Variants in PPP1R12B observed in about 807,000 individuals in gnomAD.
PPP1R12B encodes myosin phosphatase target subunit 2.
In PPP1R12B, 76 loss-of-function variants were observed where a neutral mutation model predicts 126.1. That is an observed-to-expected ratio of 0.60 (90% CI 0.50 to 0.73). PPP1R12B has a LOEUF of 0.73. PPP1R12B is among the 30% of genes least tolerant of loss of function. PPP1R12B has a pLI of 0.00. For synonymous variants in PPP1R12B, 356 were observed against 434.7 expected (o/e 0.82, Z 2.25); for missense variants, 1,052 against 1,205.1 (o/e 0.87, Z 1.88).
intron 7 of PPP1R12B, 27 bp downstream of exon 7, chr1:202,430,837 G>A: frequency 6.2e-7 from 1 of 1,607,438 alleles, no homozygotes; most frequent in Non-Finnish European, 8.5e-7. Flanking sequence ...TGAGTAATGG[G>A]ATGAGCTTTG....
chr1:202,471,788 G>A, intron 13 of PPP1R12B: 2 of 1,193,572 alleles, frequency 1.7e-6, no homozygotes, highest in Non-Finnish European at 2.3e-6. Context: ...TTAAAAAATG[G>A]GTAAAAGTTT....
chr1:202,394,858 T>C (rs551344848), intron 1 of PPP1R12B, among the ~76,000 whole-genome samples: 83 of 151,622 alleles, frequency 5.5e-4, no homozygotes, highest in African/African-American at 2.0e-3. Context: ...CCTGGTGGTT[T>C]ACGCCTACAA....
At chr1:202,471,275 C>T (rs1380233013) in intron 13 of PPP1R12B, among the ~76,000 whole-genome samples, 1 of 152,030 alleles carries the variant, frequency 6.6e-6, no homozygotes, top group African/African-American at 2.4e-5. Context: ...TTATTTTAGT[C>T]CATTGTACAA....
chr1:202,352,458 ACT>A (rs748517293), intron 1 of PPP1R12B, among the ~76,000 whole-genome samples: 2 of 151,922 alleles, frequency 1.3e-5, no homozygotes, highest in Non-Finnish European at 2.9e-5. Context: ...TATTATGTTG[ACT>A]CTTAAATCTG....
intron 18 of PPP1R12B, among the ~76,000 whole-genome samples, chr1:202,549,612 GT>G (rs1172439965): frequency 6.6e-5 from 10 of 151,960 alleles, no homozygotes; most frequent in Admixed American, 1.3e-4. Flanking sequence ...TAGAGACGGG[GT>G]TTCACCGTGT....
At chr1:202,452,026 T>A (rs1363064104) in intron 13 of PPP1R12B, among the ~76,000 whole-genome samples, 1 of 144,170 alleles carries the variant, frequency 6.9e-6, no homozygotes, top group East Asian at 2.1e-4. Context: ...ACCTACCAGA[T>A]GGGGTCGCGG....
intron 21 of PPP1R12B, 61 bp downstream of exon 21, chr1:202,564,608 G>T: frequency 7.3e-7 from 1 of 1,365,304 alleles, no homozygotes; most frequent in Non-Finnish European, 1.0e-6. Context: ...AAGCAAACTA[G>T]ACTAGGGATC....
At chr1:202,422,793 A>G in intron 3 of PPP1R12B, 55 bp downstream of exon 3, 2 of 1,609,776 alleles carry the variant, frequency 1.2e-6, no homozygotes, top group Non-Finnish European at 1.7e-6. Context: ...TGCCATTTAC[A>G]GAAAATAATC....
At chr1:202,522,309 A>G (rs1451278784) in intron 18 of PPP1R12B, among the ~76,000 whole-genome samples, 7 of 152,186 alleles carry the variant, frequency 4.6e-5, no homozygotes, top group African/African-American at 1.7e-4. Context: ...CTTAGCAATA[A>G]TAATATGGTA....
At chr1:202,436,921 C>T (rs1312890592) in intron 9 of PPP1R12B, among the ~76,000 whole-genome samples, 2 of 151,674 alleles carry the variant, frequency 1.3e-5, no homozygotes, top group African/African-American at 4.8e-5. Context: ...TAAACTGCTA[C>T]TCTAGATCAA....
intron 19 of PPP1R12B, 149 bp from the exon 20 acceptor site, chr1:202,562,629 A>G (rs1687641335): frequency 1.1e-6 from 1 of 928,064 alleles, no homozygotes; most frequent in East Asian, 2.4e-5. Context: ...ACGCTGGCAG[A>G]GAGATTGAAG....
chr1:202,459,360 C>G (rs1273158578), intron 13 of PPP1R12B, among the ~76,000 whole-genome samples: 1 of 152,060 alleles, frequency 6.6e-6, no homozygotes, highest in Admixed American at 6.5e-5. Flanking sequence ...AACAGTCTTT[C>G]TTATAATGTA....
intron 18 of PPP1R12B, among the ~76,000 whole-genome samples, chr1:202,505,525 C>G (rs1351050570): frequency 6.6e-6 from 1 of 152,164 alleles, no homozygotes; most frequent in Non-Finnish European, 1.5e-5. Flanking sequence ...TGTCCACTCT[C>G]CACCACCAGT....
chr1:202,569,525 G>C (rs1207171662), intron 23 of PPP1R12B, among the ~76,000 whole-genome samples: 1 of 152,188 alleles, frequency 6.6e-6, no homozygotes, highest in East Asian at 1.9e-4. Context: ...GGGTAAATGA[G>C]AAGGCTAGAA....
At position 202,439,611 on chromosome 1, in the gene PPP1R12B, G is replaced by T. The variant is rs1671346544; in HGVS notation, c.1459-1095G>T. ...ACCCCCTCTGTACACCATGGACCCT[G>T]CCCTGTGCTCCATAACTCCCCCAGG... On this transcript the variant is annotated intron_variant, in intron 10 of 23. Coordinates refer to ENST00000608999, the MANE Select transcript of PPP1R12B (RefSeq NM_002481.4). 4 of 1,002,076 alleles carry T rather than the reference G, an allele frequency of 4.0e-6. No individual in the cohort carries two copies. The East Asian group carries it at 7.8e-5, about 20-fold the overall frequency. The allele number at this position is 1,002,076 out of a possible 1,614,324, so 62.1% of individuals were successfully genotyped here. A position where few individuals can be genotyped will look rare whatever the true frequency, so the allele number is the denominator to read the frequency against.
At position 202,588,779 on chromosome 1, in the gene PPP1R12B, G is replaced by T. The variant is rs900906003; in HGVS notation, c.*8219G>T. On this transcript the variant is annotated 3_prime_UTR_variant, in exon 24 of 24. Coordinates refer to ENST00000608999, the MANE Select transcript of PPP1R12B (RefSeq NM_002481.4). ...GTAGTATCAAGGAATTTCCTAAATG[G>T]AGTCAGGCCAAGGAGAAGCCTAGAT... 1 of 151,974 alleles carries T rather than the reference G, an allele frequency of 6.6e-6. No individual in the cohort carries two copies. The highest frequency in any genetic ancestry group is 6.6e-5 in the Admixed American group (1 of 15,250). 9.4% of individuals were successfully genotyped at this position (151,974 alleles called of 1,614,324 possible). A position where few individuals can be genotyped will look rare whatever the true frequency, so the allele number is the denominator to read the frequency against.
intron 1 of PPP1R12B, among the ~76,000 whole-genome samples, chr1:202,368,797 A>G (rs1571627031): frequency 6.6e-6 from 1 of 152,148 alleles, no homozygotes. Flanking sequence ...CAATGGCAGG[A>G]TCATGGCTCA....
At chr1:202,568,133 A>G (rs1298884613) in intron 22 of PPP1R12B, among the ~76,000 whole-genome samples, 2 of 151,864 alleles carry the variant, frequency 1.3e-5, no homozygotes, top group African/African-American at 4.8e-5. Context: ...ATACACACAC[A>G]ACCCATAACA....
intron 1 of PPP1R12B, chr1:202,370,127 CT>C: frequency 4.0e-6 from 1 of 250,578 alleles, no homozygotes; most frequent in Non-Finnish European, 7.9e-6. Flanking sequence ...CTCTTCTTGC[CT>C]TTCTCAACAT....
Sources: allele counts gnomAD v4.1 joint callset (sites outside exome capture counted in the v4.1 genomes callset), GRCh38; gene constraint gnomAD v4.1.1; transcripts MANE v1.5; gene names NCBI Gene and HGNC (gene_info 2026-07-23, HGNC 2026-07-21).